PRRG1: variants seen among roughly 807,000 people sequenced by gnomAD.
PRRG1 encodes transmembrane gamma-carboxyglutamic acid protein 1.
PRRG1 carries 5 observed loss-of-function variants against 11.8 expected under a neutral mutation model. The ratio of observed to expected loss-of-function variants is 0.42; its 90% CI spans 0.22 to 0.89. The LOEUF (loss-of-function observed/expected upper bound fraction) is 0.89, where lower values mean the gene tolerates loss of function less well. Ranked by LOEUF, PRRG1 falls within the 40% of genes least tolerant of loss-of-function variation. The pLI is 0.28. For synonymous variants in PRRG1, 66 were observed against 60.4 expected, an observed-to-expected ratio of 1.09 and a Z score of -0.43; for missense variants, 155 against 166.1, an observed-to-expected ratio of 0.93 and a Z score of 0.37.
intron 2 of PRRG1, among the ~76,000 whole-genome samples, chrX:37,412,141 G>A (rs782084166): frequency 3.6e-5 from 4 of 111,856 alleles, no homozygotes; most frequent in South Asian, 7.5e-4. Context: ...TAGCAAAACA[G>A]TGGTAGTGTT....
At chrX:37,416,227 C>T (rs781792558) in intron 2 of PRRG1, among the ~76,000 whole-genome samples, 234 of 111,905 alleles carry the variant, frequency 2.1e-3, no homozygotes, top group Non-Finnish European at 3.3e-3. Flanking sequence ...GTGGCTGTTT[C>T]GTTAAATGTA....
intron 1 of PRRG1, among the ~76,000 whole-genome samples, chrX:37,392,310 A>T (rs1188388050): frequency 3.6e-5 from 4 of 110,109 alleles, no homozygotes; most frequent in African/African-American, 1.3e-4. Context: ...AGCCTAAAAT[A>T]TTTATTCTCT....
intron 2 of PRRG1, among the ~76,000 whole-genome samples, chrX:37,412,746 G>C (rs1053389913): frequency 9.1e-6 from 1 of 109,973 alleles, no homozygotes; most frequent in Non-Finnish European, 1.9e-5. Context: ...ACTCATTATA[G>C]TGCTTGATGC....
chrX:37,420,381 C>A (rs1229281861), intron 2 of PRRG1, among the ~76,000 whole-genome samples: 2 of 111,313 alleles, frequency 1.8e-5, no homozygotes, highest in Non-Finnish European at 3.8e-5. Flanking sequence ...TCCAATAACT[C>A]CAGGGTTGCA....
At chrX:37,446,559 C>A (rs1347910737) in intron 3 of PRRG1, among the ~76,000 whole-genome samples, 3 of 112,153 alleles carry the variant, frequency 2.7e-5, no homozygotes, top group Non-Finnish European at 5.6e-5. Flanking sequence ...TCTCAAGTGT[C>A]TTTCATACCA....
At chrX:37,367,798 A>G (rs1556369844) in intron 1 of PRRG1, among the ~76,000 whole-genome samples, 1 of 112,222 alleles carries the variant, frequency 8.9e-6, no homozygotes, top group African/African-American at 3.2e-5. Flanking sequence ...TCAAATAGAG[A>G]TATTCTGTAT....
At chrX:37,402,173 A>G (rs5918521) in intron 1 of PRRG1, among the ~76,000 whole-genome samples, 31,402 of 109,413 alleles carry the variant, frequency 0.29, 6,977 homozygotes, top group African/African-American at 0.76. Flanking sequence ...AGCCCGCATC[A>G]CCAAGTCAAT....
At chrX:37,389,060 G>A (rs1184579432) in intron 1 of PRRG1, among the ~76,000 whole-genome samples, 1 of 111,645 alleles carries the variant, frequency 9.0e-6, no homozygotes, top group Non-Finnish European at 1.9e-5. Context: ...CCCTAGGGTG[G>A]GGGTACAATT....
At chrX:37,374,816 C>T (rs1180445154) in intron 1 of PRRG1, among the ~76,000 whole-genome samples, 1 of 111,520 alleles carries the variant, frequency 9.0e-6, no homozygotes, top group Non-Finnish European at 1.9e-5. Flanking sequence ...AGGTCTCTGT[C>T]ATAATTGAGG....
At position 37,443,091 on chromosome X, in the gene PRRG1, C is replaced by T. The variant is rs781818844; in HGVS notation, c.172-10045C>T. Among the ~76,000 whole-genome samples, 11 of 111,889 alleles carry T rather than the reference C, an allele frequency of 9.8e-5. No homozygotes were observed. In the East Asian group the frequency reaches 3.1e-3, roughly 32 times the overall value. ...TGCAGAACAGGTAGAGCCATTGTAGCTGATCCAGATGAGAGCCTAGTGTGG... is the reference window on the plus strand; with the variant it reads ...TGCAGAACAGGTAGAGCCATTGTAGTTGATCCAGATGAGAGCCTAGTGTGG... On this transcript the variant is annotated intron_variant, in intron 3 of 3. Transcript: ENST00000378628.
intron 1 of PRRG1, among the ~76,000 whole-genome samples, chrX:37,385,800 G>A (rs946629776): frequency 1.0e-4 from 11 of 107,380 alleles, no homozygotes; most frequent in East Asian, 2.9e-4. Flanking sequence ...TCGCTCTGTC[G>A]TCCAGGCTGG....
chrX:37,410,544 C>A (rs1287049370), intron 2 of PRRG1, among the ~76,000 whole-genome samples: 1 of 112,025 alleles, frequency 8.9e-6, no homozygotes, highest in African/African-American at 3.2e-5. Context: ...AGGGACTGGA[C>A]AGATAGGCGA....
At chrX:37,364,018 C>G (rs1222323573) in intron 1 of PRRG1, among the ~76,000 whole-genome samples, 1 of 110,936 alleles carries the variant, frequency 9.0e-6, no homozygotes, top group Non-Finnish European at 1.9e-5. Flanking sequence ...CCTTTTTTTT[C>G]TCATTTTGTT....
intron 1 of PRRG1, among the ~76,000 whole-genome samples, chrX:37,398,818 G>A (rs1931823802): frequency 9.0e-6 from 1 of 111,448 alleles, no homozygotes; most frequent in African/African-American, 3.3e-5. Context: ...CAAGGCTCGA[G>A]AACTACGTGA....
chrX:37,419,586 A>G (rs1435785198), intron 2 of PRRG1, among the ~76,000 whole-genome samples: 1 of 111,812 alleles, frequency 8.9e-6, no homozygotes, highest in East Asian at 2.8e-4. Flanking sequence ...GGCTCAAGGT[A>G]TGGTACAGCA....
At chrX:37,425,807 A>G (rs1266259658) in intron 2 of PRRG1, 33 bp from the exon 3 acceptor site, 14 of 1,127,029 alleles carry the variant, frequency 1.2e-5, no homozygotes, top group Non-Finnish European at 1.7e-5. Context: ...TCAACTTGCC[A>G]CATAGGTTTT....
At chrX:37,365,043 C>T (rs1030726243) in intron 1 of PRRG1, among the ~76,000 whole-genome samples, 10 of 111,693 alleles carry the variant, frequency 9.0e-5, no homozygotes, top group Admixed American at 2.9e-4. Flanking sequence ...GTAGTATTGA[C>T]GGAAGCTATG....
chrX:37,361,385 T>C (rs1199628233), intron 1 of PRRG1, among the ~76,000 whole-genome samples: 1 of 111,278 alleles, frequency 9.0e-6, no homozygotes, highest in Non-Finnish European at 1.9e-5. Context: ...TCTCCATTAT[T>C]GTGGGGTAAT....
chrX:37,399,480 A>G (rs1353753739), intron 1 of PRRG1, among the ~76,000 whole-genome samples: 3 of 110,873 alleles, frequency 2.7e-5, no homozygotes, highest in African/African-American at 6.6e-5. Context: ...TCCTGAAGGA[A>G]GCACTCAACA....
Sources: gnomAD v4.1 joint callset for allele counts (sites outside exome capture counted in the v4.1 genomes callset) on GRCh38, gnomAD v4.1.1 for gene constraint, MANE v1.5 for transcripts, NCBI Gene and HGNC (gene_info 2026-07-23, HGNC 2026-07-21) for gene names.